The following CA1 variants were observed in gnomAD, a reference collection of about 807,000 sequenced individuals.
CA1 encodes carbonate dehydratase I.
A neutral mutation model predicts 28.8 loss-of-function variants in CA1; 27 were observed. The ratio of observed to expected loss-of-function variants is 0.94; its 90% confidence interval spans 0.69 to 1.29. The LOEUF (loss-of-function observed/expected upper bound fraction) is 1.29. CA1 is among the 50% of genes most tolerant of loss of function. The pLI is 0.00. For synonymous variants in CA1, 121 were observed against 108.8 expected (o/e 1.11, Z -0.70); for missense variants, 335 against 310.5 (o/e 1.08, Z -0.59).
intron 1 of CA1, among the ~76,000 whole-genome samples, chr8:85,345,158 C>A (rs1050241166): frequency 6.6e-6 from 1 of 152,278 alleles, no homozygotes; most frequent in Non-Finnish European, 1.5e-5. Context: ...TTCTCATCAC[C>A]TGTAACAAAG....
Position 85,328,500 on chromosome 8 carries a change from T to C in CA1, c.*60A>G. The stretch of plus-strand genomic sequence containing the variant: ...TATTTCTTAAAAATTATTATTTTAC[T>C]GGATTATGTCAGAAGCAGGGCTGTG... On this transcript the variant is annotated 3_prime_UTR_variant, in exon 8 of 8. Transcript: ENST00000523022. 1.1e-6 allele frequency: 1 copy of C among 890,168 alleles called. No individual in the cohort carries two copies. Among genetic ancestry groups the C allele is most frequent in the Admixed American group, 1.7e-5 (1 of 57,456 alleles). 55.1% of individuals were successfully genotyped at this position (890,168 alleles called of 1,614,324 possible).
At chr8:85,358,852 TCCCAGCTGAAATTCAGCCA>T (rs368622432) in intron 1 of CA1, among the ~76,000 whole-genome samples, 1 of 152,168 alleles carries the variant, frequency 6.6e-6, no homozygotes, top group Non-Finnish European at 1.5e-5. Flanking sequence ...ATTCCAGCTG[TCCCAGCTGAAATTCAGCCA>T]CCCAGCTGAA....
At chr8:85,340,985 A>G (rs1219762137) in intron 2 of CA1, 1 of 152,480 alleles carries the variant, frequency 6.6e-6, no homozygotes, top group Non-Finnish European at 1.5e-5. Context: ...TCTACTAAAA[A>G]TACAAAAAAA....
At chr8:85,360,315 T>C (rs375296790) in intron 1 of CA1, among the ~76,000 whole-genome samples, 7 of 152,342 alleles carry the variant, frequency 4.6e-5, no homozygotes, top group South Asian at 4.1e-4. Context: ...TTAAAGGCAC[T>C]GCTGACCTTT....
At chr8:85,341,469 A>G (rs1343592824) in intron 2 of CA1, 130 bp downstream of exon 2, 6 of 682,156 alleles carry the variant, frequency 8.8e-6, no homozygotes, top group Non-Finnish European at 1.6e-5. Context: ...CAAAGATAGT[A>G]TAATTATTTA....
chr8:85,333,395 C>T (rs1303420737), intron 5 of CA1, 130 bp downstream of exon 5: 2 of 650,366 alleles, frequency 3.1e-6, no homozygotes, highest in African/African-American at 1.8e-5. Context: ...ATTTGTTCAC[C>T]TGTAGTCATC....
chr8:85,342,695 A>G (rs1475796137), intron 1 of CA1: 1 of 152,258 alleles, frequency 6.6e-6, no homozygotes, highest in African/African-American at 2.4e-5. Context: ...CCAGTTCTAC[A>G]TGTTCAAAGC....
At position 85,370,319 on chromosome 8, in the gene CA1, G is replaced by A. The variant is rs2432070; in HGVS notation, c.-25+7727C>T. Among the ~76,000 whole-genome samples, 1,483 of 150,470 alleles carry A rather than the reference G, an allele frequency of 9.9e-3. 12 individuals are homozygous for A. Among genetic ancestry groups the A allele is most frequent in the East Asian group, 0.045 (233 of 5,178 alleles). ...TGTTCAGACTTCATTCAAACCTCTG[G>A]GGATACAAATGGTAGTGACTGGTTA... On this transcript the variant is annotated intron_variant, in intron 1 of 7. Coordinates refer to ENST00000523022, the MANE Select transcript of CA1 (RefSeq NM_001128831.4).
intron 4 of CA1, among the ~76,000 whole-genome samples, chr8:85,334,344 T>TAG (rs1336800577): frequency 1.3e-5 from 2 of 152,212 alleles, no homozygotes; most frequent in Non-Finnish European, 2.9e-5. Context: ...ATTCACATCT[T>TAG]ACAGGTTATA....
At chr8:85,361,502 C>A (rs1457620881) in intron 1 of CA1, among the ~76,000 whole-genome samples, 1 of 152,048 alleles carries the variant, frequency 6.6e-6, no homozygotes, top group Non-Finnish European at 1.5e-5. Context: ...CATGTCGAAA[C>A]CCTCTGTCTA....
chr8:85,374,006 C>T (rs896224063), intron 1 of CA1, among the ~76,000 whole-genome samples: 1 of 152,110 alleles, frequency 6.6e-6, no homozygotes, highest in Middle Eastern at 3.4e-3. Context: ...AGATGATGCG[C>T]GATGGGGGTT....
Position 85,341,631 on chromosome 8 carries a change from G to A in CA1, c.5C>T (p.Ala2Val). 6.3e-7 allele frequency: 1 copy of A among 1,594,138 alleles called. No homozygotes were observed. Among genetic ancestry groups the A allele is most frequent in the Non-Finnish European group, 8.6e-7 (1 of 1,162,192 alleles). The change falls in exon 2 of 8, where the codon GCA becomes GTA. Residue 2 changes from alanine to valine, a missense_variant. Transcript: ENST00000523022. MASPDWGYDDKN... is the reference protein window; with the variant it reads MVSPDWGYDDKN... ...GTCATCATATCCCCAGTCTGGACTTGCCATTATCTTCTACTGAGTTTTCTT... is the reference window on the plus strand; with the variant it reads ...GTCATCATATCCCCAGTCTGGACTTACCATTATCTTCTACTGAGTTTTCTT...
intron 1 of CA1, among the ~76,000 whole-genome samples, chr8:85,363,258 C>A (rs1402366626): frequency 6.6e-6 from 1 of 152,104 alleles, no homozygotes; most frequent in Admixed American, 6.5e-5. Flanking sequence ...CCTGGAATAC[C>A]ATTCACAGGA....
chr8:85,357,055 T>C (rs13252971), intron 1 of CA1, among the ~76,000 whole-genome samples: 62,936 of 152,048 alleles, frequency 0.41, 16,063 homozygotes, highest in Middle Eastern at 0.57. Flanking sequence ...TACCTTGTAA[T>C]TGAACACATT....
chr8:85,370,468 A>G (rs945452240), intron 1 of CA1, among the ~76,000 whole-genome samples: 1 of 152,126 alleles, frequency 6.6e-6, no homozygotes, highest in South Asian at 2.1e-4. Flanking sequence ...GCTTTGTTCT[A>G]TTTTATTTTT....
intron 1 of CA1, among the ~76,000 whole-genome samples, chr8:85,342,255 T>G (rs371319240): frequency 1.3e-5 from 2 of 152,080 alleles, no homozygotes; most frequent in East Asian, 3.8e-4. Flanking sequence ...GGAGAAGATT[T>G]TATTAATATT....
At chr8:85,353,836 G>C (rs1360608077) in intron 1 of CA1, among the ~76,000 whole-genome samples, 1 of 152,172 alleles carries the variant, frequency 6.6e-6, no homozygotes, top group African/African-American at 2.4e-5. Flanking sequence ...ACTGGATACA[G>C]GAAAAGGGGT....
chr8:85,363,918 A>G (rs949482794), intron 1 of CA1, among the ~76,000 whole-genome samples: 2 of 152,158 alleles, frequency 1.3e-5, no homozygotes, highest in Non-Finnish European at 2.9e-5. Context: ...TTATTTCAAT[A>G]GTTTCCTTTA....
Position 85,352,177 on chromosome 8 carries a change from G to A in CA1, c.-24-10518C>T, listed in dbSNP as rs193264522. 1.1e-4 allele frequency among the ~76,000 whole-genome samples: 16 copies of A among 152,220 alleles called. No individual in the cohort carries two copies. The East Asian group carries it at 3.1e-3, about 29-fold the overall frequency. Reference sequence around the variant, plus strand: ...CCAAATCATTCAACCTAACCTCAAGGGGTGGATGGAGAAAGTATGTTTTGA... The same window carrying A: ...CCAAATCATTCAACCTAACCTCAAGAGGTGGATGGAGAAAGTATGTTTTGA... On this transcript the variant is annotated intron_variant, in intron 1 of 7. Transcript: ENST00000523022.
Sources: allele counts gnomAD v4.1 joint callset (sites outside exome capture counted in the v4.1 genomes callset), GRCh38; gene constraint gnomAD v4.1.1; transcripts MANE v1.5; gene names NCBI Gene and HGNC (gene_info 2026-07-23, HGNC 2026-07-21).